Variants in ARHGEF4 observed in about 807,000 individuals in gnomAD.
ARHGEF4 encodes Rho guanine nucleotide exchange factor 4.
ARHGEF4 carries 119 observed loss-of-function variants against 162.0 expected under a neutral mutation model. The observed-to-expected ratio is 0.73, with a 90% CI of 0.63 to 0.86. The LOEUF (loss-of-function observed/expected upper bound fraction) is 0.86. ARHGEF4 is among the 40% of genes least tolerant of loss of function. ARHGEF4 has a pLI of 0.00. For missense variants in ARHGEF4, 2,488 were observed against 2,456.0 expected, an observed-to-expected ratio of 1.01 and a Z score of -0.28; for synonymous variants, 1,014 against 979.9, an observed-to-expected ratio of 1.03 and a Z score of -0.65.
In ARHGEF4 at chr2:130,886,606, G is replaced by A. The variant is rs532475582; in HGVS notation, c.40-27380G>A. Among the ~76,000 whole-genome samples, 14 of 151,702 alleles carry A rather than the reference G, an allele frequency of 9.2e-5. No homozygotes were observed. The East Asian group carries it at 1.4e-3, about 15-fold the overall frequency. ...TGAGTCAGGAGAATGGCGGGAACCCGGGAGGTGGAGCTTGCAGTGAGCCGA... is the reference window on the plus strand; with the variant it reads ...TGAGTCAGGAGAATGGCGGGAACCCAGGAGGTGGAGCTTGCAGTGAGCCGA... On this transcript the variant is annotated intron_variant, in intron 1 of 13. Transcript: ENST00000409359.
intron 5 of ARHGEF4, among the ~76,000 whole-genome samples, chr2:131,034,308 T>C (rs1432438884): frequency 6.6e-6 from 1 of 152,234 alleles, no homozygotes; most frequent in African/African-American, 2.4e-5. Context: ...ACACACTGAC[T>C]GTACCTGGGC....
At chr2:130,850,950 C>T (rs997033840) in intron 1 of ARHGEF4, among the ~76,000 whole-genome samples, 5 of 152,238 alleles carry the variant, frequency 3.3e-5, no homozygotes, top group Non-Finnish European at 7.3e-5. Flanking sequence ...TTCAGGCCCT[C>T]GGTATAGCCT....
chr2:131,030,623 C>T (rs1022079012), intron 5 of ARHGEF4, among the ~76,000 whole-genome samples: 1 of 152,232 alleles, frequency 6.6e-6, no homozygotes, highest in African/African-American at 2.4e-5. Context: ...ATGGCATCCA[C>T]GCGCCTCATG....
chr2:130,962,230 T>C (rs1684668541), intron 4 of ARHGEF4, among the ~76,000 whole-genome samples: 2 of 92,500 alleles, frequency 2.2e-5, no homozygotes, highest in African/African-American at 6.9e-5. Flanking sequence ...AGAGCAAGTT[T>C]CCGTTTCAAA....
intron 4 of ARHGEF4, among the ~76,000 whole-genome samples, chr2:131,014,306 A>G (rs1265729824): frequency 1.3e-5 from 2 of 152,234 alleles, no homozygotes; most frequent in South Asian, 2.1e-4. Context: ...ACATAACACT[A>G]CCATGTGTCA....
chr2:131,005,556 A>G (rs952769304), intron 4 of ARHGEF4, among the ~76,000 whole-genome samples: 5 of 152,150 alleles, frequency 3.3e-5, no homozygotes, highest in South Asian at 2.1e-4. Context: ...TGAGATTTCT[A>G]TATGTTAAGA....
At chr2:130,977,457 G>T (rs769876194) in intron 4 of ARHGEF4, among the ~76,000 whole-genome samples, 1 of 151,884 alleles carries the variant, frequency 6.6e-6, no homozygotes, top group African/African-American at 2.4e-5. Context: ...GCGTGTGTGT[G>T]TAGTGTTTAT....
chr2:131,034,361 T>C (rs1228084803), intron 5 of ARHGEF4, among the ~76,000 whole-genome samples: 1 of 152,150 alleles, frequency 6.6e-6, no homozygotes, highest in Non-Finnish European at 1.5e-5. Flanking sequence ...CACAAGAGCT[T>C]TGAAACCTAC....
chr2:130,973,155 G>T (rs1173363847), intron 4 of ARHGEF4, among the ~76,000 whole-genome samples: 1 of 152,238 alleles, frequency 6.6e-6, no homozygotes, highest in Non-Finnish European at 1.5e-5. Context: ...CAGGAAGGAT[G>T]CAAATAAAAG....
At chr2:130,943,366 T>C (rs533279294) in intron 3 of ARHGEF4, among the ~76,000 whole-genome samples, 43 of 152,306 alleles carry the variant, frequency 2.8e-4, no homozygotes, top group African/African-American at 1.0e-3. Flanking sequence ...TTCTTGTAGA[T>C]AACATATTGT....
At chr2:130,990,620 A>G (rs770673971) in intron 4 of ARHGEF4, among the ~76,000 whole-genome samples, 2 of 151,898 alleles carry the variant, frequency 1.3e-5, no homozygotes, top group East Asian at 3.9e-4. Context: ...GGAGGCCCTG[A>G]AGAGGAGAGT....
chr2:131,008,516 A>G (rs1363588771), intron 4 of ARHGEF4, among the ~76,000 whole-genome samples: 1 of 152,218 alleles, frequency 6.6e-6, no homozygotes. Context: ...TATTTAGTCC[A>G]TTAACTTTTA....
Position 131,028,057 on chromosome 2 carries a change from G to A in ARHGEF4, c.4098G>A (p.Gly1366=), listed in dbSNP as rs755560921. ...SSSHHYSHPG[G]GGEQLAINEL... is the part of the protein sequence containing the mutation. ...GCCACCACTACAGCCACCCTGGAGG[G>A]GGTGGGGAGCAGCTGGCTATCAATG... The change falls in exon 5 of 14, where the codon GGG becomes GGA. Residue 1366 remains glycine, a synonymous_variant. Transcript: ENST00000409359. 2.5e-6 allele frequency: 4 copies of A among 1,613,956 alleles called. No individual in the cohort carries two copies. The highest frequency in any genetic ancestry group is 3.4e-6 in the Non-Finnish European group (4 of 1,180,042).
At chr2:130,868,217 A>G (rs1192703292) in intron 1 of ARHGEF4, among the ~76,000 whole-genome samples, 2 of 151,504 alleles carry the variant, frequency 1.3e-5, no homozygotes, top group Non-Finnish European at 2.9e-5. Flanking sequence ...GAGCCACCAC[A>G]CCCGGCCAAG....
chr2:130,956,874 C>T (rs573112239), intron 4 of ARHGEF4, among the ~76,000 whole-genome samples: 1 of 151,776 alleles, frequency 6.6e-6, no homozygotes, highest in Admixed American at 6.6e-5. Flanking sequence ...TGCCAAATCA[C>T]GAGTCTGCAG....
chr2:130,943,746 G>C (rs1683441987), intron 3 of ARHGEF4, among the ~76,000 whole-genome samples: 1 of 151,940 alleles, frequency 6.6e-6, no homozygotes, highest in Non-Finnish European at 1.5e-5. Context: ...TGTTGTTGTT[G>C]TCATGTATAT....
chr2:130,915,652 A>G lies in ARHGEF4; in HGVS notation c.1706A>G (p.Glu569Gly). ...SSAIDTSKAA[E>G]EAMVLDPNYR... ...GCAATAGACACTTCAAAGGCAGCCG[A>G]AGAAGCCATGGTTCTAGACCCCAAC... is the stretch of plus-strand genomic sequence containing the variant. The change falls in exon 2 of 14, where the codon GAA becomes GGA. Residue 569 changes from glutamate to glycine, a missense_variant. This residue lies in a region of ARHGEF4 where 1,642 missense variants were observed against 1,481.5 expected (regional missense o/e 1.11). Coordinates refer to ENST00000409359, the MANE Select transcript of ARHGEF4 (RefSeq NM_001367493.1). The G allele has an allele frequency of 6.5e-7, 1 of 1,550,348 alleles. No homozygotes were observed. Among genetic ancestry groups the G allele is most frequent in the Non-Finnish European group, 8.7e-7 (1 of 1,146,966 alleles).
At position 130,868,214 on chromosome 2, in the gene ARHGEF4, C is replaced by G. The variant is rs868772328; in HGVS notation, c.39+31222C>G. On this transcript the variant is annotated intron_variant, in intron 1 of 13. Transcript: ENST00000409359. ...TGCTGGGATTACAGGAGTGAGCCAC[C>G]ACACCCGGCCAAGGGTGGATGTGCT... Among the ~76,000 whole-genome samples the G allele has an allele frequency of 4.6e-5, 7 of 152,124 alleles. 1 individual carries two copies. The Middle Eastern group carries it at 0.014, about 296-fold the overall frequency.
chr2:130,979,471 C>T (rs1437536427), intron 4 of ARHGEF4, among the ~76,000 whole-genome samples: 1 of 152,144 alleles, frequency 6.6e-6, no homozygotes, highest in Non-Finnish European at 1.5e-5. Flanking sequence ...CGTGATGGCT[C>T]ATGCCTGTAA....
Sources: gnomAD v4.1 joint callset for allele counts (sites outside exome capture counted in the v4.1 genomes callset) on GRCh38, gnomAD v4.1.1 for gene constraint, gnomAD v4.1.1 regional missense constraint, MANE v1.5 for transcripts, NCBI Gene and HGNC (gene_info 2026-07-23, HGNC 2026-07-21) for gene names.